SLC2A13: variants seen among roughly 807,000 people sequenced by gnomAD.
The protein encoded by SLC2A13 is solute carrier family 2 member 13.
In SLC2A13, 32 loss-of-function variants were observed where a neutral mutation model predicts 64.4. The observed-to-expected ratio is 0.50, with a 90% CI of 0.37 to 0.67. The LOEUF is 0.67. Among genes scored for constraint, SLC2A13 ranks in the 30% least tolerant of loss-of-function variants. SLC2A13 has a pLI of 0.00. For synonymous variants in SLC2A13, 338 were observed against 327.1 expected, an observed-to-expected ratio of 1.03 and a Z score of -0.36; for missense variants, 743 against 829.2, an observed-to-expected ratio of 0.90 and a Z score of 1.28.
intron 6 of SLC2A13, among the ~76,000 whole-genome samples, chr12:39,859,781 C>T (rs1487906849): frequency 6.6e-6 from 1 of 152,156 alleles, no homozygotes; most frequent in Non-Finnish European, 1.5e-5. Flanking sequence ...CTGACTTGGC[C>T]TCCCAAAGTG....
chr12:39,827,005 C>T (rs1417551029), intron 7 of SLC2A13, among the ~76,000 whole-genome samples: 4 of 146,894 alleles, frequency 2.7e-5, no homozygotes, highest in Non-Finnish European at 6.0e-5. Flanking sequence ...CTTTTAATGG[C>T]AAAAAGTAAT....
chr12:39,960,476 T>C (rs1946389309), intron 3 of SLC2A13, among the ~76,000 whole-genome samples: 2 of 152,032 alleles, frequency 1.3e-5, no homozygotes, highest in African/African-American at 4.8e-5. Context: ...TGCCTTCAGG[T>C]TCCAGCAATT....
intron 4 of SLC2A13, among the ~76,000 whole-genome samples, chr12:39,909,701 T>G (rs1945379413): frequency 6.6e-6 from 1 of 152,088 alleles, no homozygotes; most frequent in African/African-American, 2.4e-5. Context: ...CCCCACTAAG[T>G]GTTCTGCACA....
intron 7 of SLC2A13, among the ~76,000 whole-genome samples, chr12:39,776,578 G>A (rs1290166761): frequency 6.6e-6 from 1 of 152,210 alleles, no homozygotes; most frequent in Admixed American, 6.5e-5. Flanking sequence ...GTAGGCAGAG[G>A]CCATACTGCA....
intron 1 of SLC2A13, among the ~76,000 whole-genome samples, chr12:40,063,795 G>A (rs759141804): frequency 6.6e-6 from 1 of 152,072 alleles, no homozygotes; most frequent in Non-Finnish European, 1.5e-5. Flanking sequence ...GCTTACCCCA[G>A]AAAAATGTTG....
At chr12:39,929,856 T>A (rs1355848412) in intron 4 of SLC2A13, among the ~76,000 whole-genome samples, 1 of 151,978 alleles carries the variant, frequency 6.6e-6, no homozygotes, top group Non-Finnish European at 1.5e-5. Flanking sequence ...TTGGGCTGGG[T>A]GTGGTGGCTC....
At chr12:39,797,308 A>G (rs1044616465) in intron 7 of SLC2A13, among the ~76,000 whole-genome samples, 52 of 152,178 alleles carry the variant, frequency 3.4e-4, no homozygotes, top group Non-Finnish European at 1.8e-4. Flanking sequence ...AAATGCTAAC[A>G]TTTTCAGCAT....
At chr12:39,957,569 C>G (rs1393110452) in intron 3 of SLC2A13, among the ~76,000 whole-genome samples, 2 of 152,136 alleles carry the variant, frequency 1.3e-5, no homozygotes, top group African/African-American at 4.8e-5. Flanking sequence ...TTCCCACATC[C>G]AGGGAGTTCT....
At chr12:39,960,772 G>A (rs1279873147) in intron 3 of SLC2A13, among the ~76,000 whole-genome samples, 4 of 112,974 alleles carry the variant, frequency 3.5e-5, no homozygotes, top group Non-Finnish European at 7.1e-5. Flanking sequence ...TTTCAAGACA[G>A]AGTCTTACTG....
intron 3 of SLC2A13, among the ~76,000 whole-genome samples, chr12:39,995,580 AG>A (rs1253070885): frequency 1.3e-5 from 2 of 152,196 alleles, no homozygotes; most frequent in Non-Finnish European, 2.9e-5. Context: ...AAACTATTAA[AG>A]ATATAAAAGT....
chr12:39,823,470 C>T (rs1253387629), intron 7 of SLC2A13, among the ~76,000 whole-genome samples: 1 of 151,920 alleles, frequency 6.6e-6, no homozygotes, highest in Non-Finnish European at 1.5e-5. Context: ...AGGAAAACTC[C>T]CTCTGTTTTT....
chr12:39,915,034 A>C (rs560484394), intron 4 of SLC2A13, among the ~76,000 whole-genome samples: 1 of 151,988 alleles, frequency 6.6e-6, no homozygotes, highest in African/African-American at 2.4e-5. Context: ...ATAATACATA[A>C]GACACATTTT....
chr12:39,907,752 T>C (rs926099955), intron 4 of SLC2A13: 19 of 152,138 alleles, frequency 1.2e-4, no homozygotes, highest in African/African-American at 4.1e-4. Flanking sequence ...GGAAAGTATG[T>C]GGATTGGACA....
At chr12:39,934,101 G>C (rs961134893) in intron 4 of SLC2A13, among the ~76,000 whole-genome samples, 3 of 152,176 alleles carry the variant, frequency 2.0e-5, no homozygotes, top group Admixed American at 2.0e-4. Context: ...CTAACTCCCT[G>C]TTAGTTGATA....
At chr12:39,995,710 T>C (rs1332838666) in intron 3 of SLC2A13, among the ~76,000 whole-genome samples, 1 of 152,150 alleles carries the variant, frequency 6.6e-6, no homozygotes, top group Admixed American at 6.5e-5. Flanking sequence ...TGAATTCCCA[T>C]GTGTTGTGGG....
intron 6 of SLC2A13, among the ~76,000 whole-genome samples, chr12:39,838,149 TAC>T: frequency 6.8e-6 from 1 of 147,654 alleles, no homozygotes; most frequent in Non-Finnish European, 1.5e-5. Flanking sequence ...CACCATGGAA[TAC>T]TACGCAGCCA....
chr12:40,054,989 T>C (rs1489440722), intron 1 of SLC2A13, among the ~76,000 whole-genome samples: 1 of 152,194 alleles, frequency 6.6e-6, no homozygotes, highest in African/African-American at 2.4e-5. Context: ...TCTAAAGAAA[T>C]ACTTTTAATA....
intron 3 of SLC2A13, among the ~76,000 whole-genome samples, chr12:39,960,703 C>G (rs1946393102): frequency 6.8e-6 from 1 of 146,320 alleles, no homozygotes; most frequent in Admixed American, 6.9e-5. Flanking sequence ...ATTTTCAGTA[C>G]AACGTTTATT....
chr12:39,838,840 C>A (rs556761285), intron 6 of SLC2A13, among the ~76,000 whole-genome samples: 1 of 152,010 alleles, frequency 6.6e-6, no homozygotes, highest in Non-Finnish European at 1.5e-5. Context: ...CTCTGCAAAA[C>A]GGTCCATTTG....
Sources: gnomAD v4.1 joint callset for allele counts (sites outside exome capture counted in the v4.1 genomes callset) on GRCh38, gnomAD v4.1.1 for gene constraint, MANE v1.5 for transcripts, NCBI Gene and HGNC (gene_info 2026-07-23, HGNC 2026-07-21) for gene names.